The following PPARGC1A variants were observed in gnomAD, a reference collection of about 807,000 sequenced individuals.
PPARGC1A encodes peroxisome proliferator-activated receptor gamma coactivator 1-alpha.
PPARGC1A carries 25 observed loss-of-function variants against 88.7 expected under a neutral mutation model. That is an observed-to-expected ratio of 0.28 (90% CI 0.21 to 0.39). The LOEUF (loss-of-function observed/expected upper bound fraction) is 0.39, where lower values mean the gene tolerates loss of function less well. PPARGC1A is among the 10% of genes least tolerant of loss of function. PPARGC1A has a pLI of 1.00. For synonymous variants in PPARGC1A, 363 were observed against 355.6 expected (o/e 1.02, Z -0.24); for missense variants, 880 against 968.7 (o/e 0.91, Z 1.22).
At chr4:24,117,706 A>G in the PPARGC1A span, among the ~76,000 whole-genome samples, 1 of 151,944 alleles carries the variant, frequency 6.6e-6, no homozygotes, top group Non-Finnish European at 1.5e-5. Flanking sequence ...ATAAGACCAG[A>G]TGACAGAGGG....
Position 23,795,850 on chromosome 4 carries a change from T to C in PPARGC1A, c.2369A>G (p.Lys790Arg). The C allele has an allele frequency of 6.2e-7, 1 of 1,611,762 alleles. No homozygotes were observed. The highest frequency in any genetic ancestry group is 8.5e-7 in the Non-Finnish European group (1 of 1,179,104). Residue 790 changes from lysine to arginine, a missense_variant, in exon 13 of 13, where the codon AAA becomes AGA. By Grantham distance (26) the Lys-to-Arg change is conservative. Transcript: ENST00000264867. ...CCTGCGCAAGCTTCTCTGAGCTTCT[T>C]TCAGTAAACTATCAAAATCCAGAGA... ...YDSLDFDSLL[K>R]EAQRSLRR
chr4:24,288,291 C>A, the PPARGC1A span, among the ~76,000 whole-genome samples: 1 of 152,170 alleles, frequency 6.6e-6, no homozygotes, highest in Admixed American at 6.5e-5. Context: ...CTGGGTTTCT[C>A]AACCTTCCAG....
chr4:24,427,956 A>AG, the PPARGC1A span, among the ~76,000 whole-genome samples: 1 of 151,808 alleles, frequency 6.6e-6, no homozygotes, highest in Non-Finnish European at 1.5e-5. Flanking sequence ...ATAAAAAAAA[A>AG]TTTTTTTAAT....
chr4:24,019,752 A>T, the PPARGC1A span, among the ~76,000 whole-genome samples: 9 of 152,222 alleles, frequency 5.9e-5, no homozygotes, highest in Non-Finnish European at 1.0e-4. Flanking sequence ...GTTGTTGCAG[A>T]TATTGTTTCT....
chr4:24,320,432 C>T, the PPARGC1A span, among the ~76,000 whole-genome samples: 4 of 152,278 alleles, frequency 2.6e-5, no homozygotes, highest in South Asian at 8.3e-4. Context: ...AGTAAACAAC[C>T]TTAGCATTCA....
chr4:24,225,509 G>T, the PPARGC1A span, among the ~76,000 whole-genome samples: 1 of 150,194 alleles, frequency 6.7e-6, no homozygotes, highest in Admixed American at 6.7e-5. Flanking sequence ...CAGCCTGGGT[G>T]ACAGAGCGAG....
the PPARGC1A span, among the ~76,000 whole-genome samples, chr4:24,438,383 C>T: frequency 6.6e-6 from 1 of 152,178 alleles, no homozygotes; most frequent in Non-Finnish European, 1.5e-5. Context: ...GAAGAGAATA[C>T]ATTTCTGTGG....
chr4:24,280,902 A>G, the PPARGC1A span, among the ~76,000 whole-genome samples: 1 of 152,226 alleles, frequency 6.6e-6, no homozygotes, highest in Admixed American at 6.5e-5. Context: ...ATATTCTGGC[A>G]TGTGGCAGTC....
the PPARGC1A span, among the ~76,000 whole-genome samples, chr4:24,229,323 A>G: frequency 4.0e-5 from 6 of 149,796 alleles, no homozygotes; most frequent in East Asian, 1.2e-3. Context: ...TAATTTTTGT[A>G]TTTTTAATAG....
the PPARGC1A span, among the ~76,000 whole-genome samples, chr4:24,301,380 A>G: frequency 6.6e-6 from 1 of 152,108 alleles, no homozygotes; most frequent in Non-Finnish European, 1.5e-5. Context: ...ACAGCCTTTC[A>G]TCCCTAAAAT....
In PPARGC1A at chr4:23,884,922, G is replaced by A; in HGVS notation, c.64C>T (p.Leu22=). 1 of 1,604,558 alleles carries A rather than the reference G, an allele frequency of 6.2e-7. No individual in the cohort carries two copies. The highest frequency in any genetic ancestry group is 8.5e-7 in the Non-Finnish European group (1 of 1,175,596). Residue 22 remains leucine, a synonymous_variant, in exon 2 of 13, where the codon CTG becomes TTG. Coordinates refer to ENST00000264867, the MANE Select transcript of PPARGC1A (RefSeq NM_013261.5). ...CAAAGAGGCTGGTCTTCACCAACCA[G>A]AGCAGCACACTGCAGGAGGCAGAAA... ...SVWSDIECAA[L]VGEDQPLCPD... is the part of the protein sequence containing the mutation.
At chr4:24,154,372 T>A in the PPARGC1A span, among the ~76,000 whole-genome samples, 1 of 152,198 alleles carries the variant, frequency 6.6e-6, no homozygotes, top group Admixed American at 6.5e-5. Flanking sequence ...AAAACATGTC[T>A]GTCAAATAAA....
chr4:24,019,036 A>G, the PPARGC1A span, among the ~76,000 whole-genome samples: 1 of 152,134 alleles, frequency 6.6e-6, no homozygotes, highest in Non-Finnish European at 1.5e-5. Flanking sequence ...CTATTTTGCA[A>G]CCTCATGTTT....
At chr4:24,430,372 C>T in the PPARGC1A span, among the ~76,000 whole-genome samples, 15 of 151,354 alleles carry the variant, frequency 9.9e-5, no homozygotes, top group Non-Finnish European at 5.9e-5. Flanking sequence ...ATTCTCCTGC[C>T]TCAGCCTCCC....
In PPARGC1A at chr4:23,897,124, A is replaced by G. The variant is rs539758133; in HGVS notation, n.52+2143T>C. 3.3e-5 allele frequency among the ~76,000 whole-genome samples: 5 copies of G among 152,316 alleles called. 1 individual carries two copies. The South Asian group carries it at 1.0e-3, about 32-fold the overall frequency. On this transcript the variant is annotated intron_variant and non_coding_transcript_variant, in intron 1 of 3. Coordinates refer to the PPARGC1A transcript ENST00000507342. ...CTATATTCATAGGAATGAAAGCTTT[A>G]TATCAGCCAATTTGATTTCATGTTC...
chr4:23,807,735 T>C lies in PPARGC1A; in HGVS notation c.2019+5012A>G, dbSNP rs542674182. ...TTTCCTTGTGTTGTGTTTTTTTCTT[T>C]TGTGTGTGTGTGTGTGTGTATGTGT... On this transcript the variant is annotated intron_variant, in intron 10 of 12. Coordinates refer to ENST00000264867, the MANE Select transcript of PPARGC1A (RefSeq NM_013261.5). 2.0e-5 allele frequency among the ~76,000 whole-genome samples: 3 copies of C among 150,148 alleles called. No homozygotes were observed. The South Asian group carries it at 6.3e-4, about 32-fold the overall frequency.
chr4:23,850,221 A>G (rs1042501690), intron 2 of PPARGC1A, among the ~76,000 whole-genome samples: 2 of 152,204 alleles, frequency 1.3e-5, no homozygotes, highest in South Asian at 2.1e-4. Context: ...ACCTAATGCT[A>G]TCTTTGAAAT....
the PPARGC1A span, among the ~76,000 whole-genome samples, chr4:24,172,450 A>G: frequency 1.3e-5 from 2 of 152,214 alleles, no homozygotes; most frequent in African/African-American, 4.8e-5. Context: ...GAAGCTGGGA[A>G]TAGTCTTGGT....
the PPARGC1A span, among the ~76,000 whole-genome samples, chr4:24,431,616 T>C: frequency 6.6e-6 from 1 of 152,212 alleles, no homozygotes; most frequent in Non-Finnish European, 1.5e-5. Context: ...GACCGTCGAA[T>C]GTGCTGGAAG....
Sources: gnomAD v4.1 joint callset for allele counts (sites outside exome capture counted in the v4.1 genomes callset) on GRCh38, gnomAD v4.1.1 for gene constraint, MANE v1.5 for transcripts, NCBI Gene and HGNC (gene_info 2026-07-23, HGNC 2026-07-21) for gene names.